The following BRWD1 variants were observed in gnomAD, a reference collection of about 807,000 sequenced individuals.
BRWD1 encodes bromodomain and WD repeat-containing protein 1.
A neutral mutation model predicts 251.2 loss-of-function variants in BRWD1; 82 were observed. The observed-to-expected ratio is 0.33, with a 90% CI of 0.27 to 0.39. BRWD1 has a LOEUF of 0.39. BRWD1 is among the 10% of genes least tolerant of loss of function. The pLI, the probability that BRWD1 is intolerant of heterozygous loss-of-function variation, is 1.00. For missense variants in BRWD1, 2,233 were observed against 2,711.6 expected (o/e 0.82, Z 3.92); for synonymous variants, 918 against 902.8 (o/e 1.02, Z -0.30).
intron 21 of BRWD1, among the ~76,000 whole-genome samples, chr21:39,241,112 C>G (rs1374444623): frequency 6.6e-6 from 1 of 151,238 alleles, no homozygotes; most frequent in Non-Finnish European, 1.5e-5. Context: ...CCTTCAGCCA[C>G]CCAGCCTAGT....
In BRWD1 at chr21:39,199,197, G is replaced by C. The variant is rs2031981193; in HGVS notation, c.5219C>G (p.Ser1740Cys). 1.2e-6 allele frequency: 2 copies of C among 1,613,992 alleles called. No homozygotes were observed. The highest frequency in any genetic ancestry group is 2.7e-5 in the African/African-American group (2 of 74,914). ...TGTCTTTGAAGGTGCTGGAGTATGG[G>C]ACTTGTAACCATTAGCATGCCAATT... is the stretch of plus-strand genomic sequence containing the variant. ...RKNWHANGYK[S>C]HTPAPSKTKF... The change falls in exon 40 of 41, where the codon TCC becomes TGC. Residue 1740 changes from serine (S) to cysteine (C), a missense_variant. Physicochemically the swap from Ser to Cys is moderately radical, Grantham distance 112. This residue lies in a region of BRWD1 where 928 missense variants were observed against 970.0 expected (regional missense o/e 0.96). Coordinates refer to ENST00000342449, the MANE Select transcript of BRWD1 (RefSeq NM_033656.4).
chr21:39,248,793 A>T (rs1156442044), intron 20 of BRWD1, among the ~76,000 whole-genome samples: 2 of 152,172 alleles, frequency 1.3e-5, no homozygotes, highest in Non-Finnish European at 1.5e-5. Flanking sequence ...CACTGTGGAA[A>T]GCAGTTTGAT....
chr21:39,264,449 A>G lies in BRWD1; in HGVS notation c.1885+11T>C. ...ACTTTAAAAAAAAAAAAAAAAAAAG[A>G]CTGCACTTACTTGTTGCCACATAGC... On this transcript the variant is annotated intron_variant, in intron 17 of 40. Transcript: ENST00000342449. 1 of 1,409,110 alleles carries G rather than the reference A, an allele frequency of 7.1e-7. No homozygotes were observed. Among genetic ancestry groups the G allele is most frequent in the Non-Finnish European group, 9.5e-7 (1 of 1,050,046 alleles). 87.3% of individuals were successfully genotyped at this position (1,409,110 alleles called of 1,614,324 possible).
intron 17 of BRWD1, among the ~76,000 whole-genome samples, chr21:39,262,396 C>CT (rs1477504038): frequency 6.6e-6 from 1 of 152,196 alleles, no homozygotes; most frequent in Non-Finnish European, 1.5e-5. Context: ...AAGCACCACA[C>CT]TAAGTCAAAG....
At chr21:39,217,770 GAAAAAC>G (rs1568879019) in intron 31 of BRWD1, among the ~76,000 whole-genome samples, 12 of 152,100 alleles carry the variant, frequency 7.9e-5, no homozygotes, top group Non-Finnish European at 1.3e-4. Context: ...TACCTGATTA[GAAAAAC>G]AAACAACTGT....
In BRWD1 at chr21:39,185,829, C is replaced by T. The variant is rs1031297702; in HGVS notation, c.*10430G>A. The T allele has an allele frequency of 2.0e-5, 3 of 152,162 alleles. No homozygotes were observed. The highest frequency in any genetic ancestry group is 7.2e-5 in the African/African-American group (3 of 41,452). The allele number at this position is 152,162 out of a possible 1,614,324, so 9.4% of individuals were successfully genotyped here. A position where few individuals can be genotyped will look rare whatever the true frequency, so the allele number is the denominator to read the frequency against. On this transcript the variant is annotated 3_prime_UTR_variant, in exon 41 of 41. Coordinates refer to ENST00000342449, the MANE Select transcript of BRWD1 (RefSeq NM_033656.4). ...CAGATATTTTTAAATGGGAAAACAACTTACTTTCAACAACTTAATTTTTCC... is the reference window on the plus strand; with the variant it reads ...CAGATATTTTTAAATGGGAAAACAATTTACTTTCAACAACTTAATTTTTCC...
At chr21:39,298,943 G>A (rs947609721) in intron 4 of BRWD1, among the ~76,000 whole-genome samples, 4 of 152,144 alleles carry the variant, frequency 2.6e-5, no homozygotes, top group African/African-American at 7.2e-5. Context: ...CACTAACTGG[G>A]CCAGGGATGG....
At chr21:39,226,194 A>G (rs2033376087) in intron 27 of BRWD1, among the ~76,000 whole-genome samples, 1 of 152,178 alleles carries the variant, frequency 6.6e-6, no homozygotes. Context: ...TTCTCATAAT[A>G]AAAGTGTCTT....
upstream of BRWD1, chr21:39,314,394 G>A (rs1050832272): frequency 8.8e-6 from 4 of 452,844 alleles, no homozygotes; most frequent in Non-Finnish European, 1.8e-5. Context: ...GCGGCTGACG[G>A]CTCGGCTGGA....
chr21:39,299,535 G>A (rs759777390), intron 4 of BRWD1, among the ~76,000 whole-genome samples: 112 of 152,046 alleles, frequency 7.4e-4, no homozygotes, highest in Non-Finnish European at 1.5e-3. Context: ...TTACTCCAAC[G>A]TAAGAGATAA....
chr21:39,210,050 T>A lies in BRWD1; in HGVS notation c.4142A>T (p.Asp1381Val). 3 of 1,613,728 alleles carry A rather than the reference T, an allele frequency of 1.9e-6. No individual in the cohort carries two copies. Among genetic ancestry groups the A allele is most frequent in the Non-Finnish European group, 2.5e-6 (3 of 1,179,798 alleles). ...TGCATTGCTAAATATCAGCCGGATG[T>A]CTTTGCAAAACTCCAAAGGGCTGTC... ...NYDSPLEFCK[D>V]IRLIFSNAKA... The change falls in exon 36 of 41, where the codon GAC (aspartate) becomes GTC (valine). Residue 1381 changes from aspartate (D) to valine (V), a missense_variant. Physicochemically the swap from Asp to Val is radical, Grantham distance 152. This residue lies in a region of BRWD1 where 69 missense variants were observed against 101.6 expected (regional missense o/e 0.68). Transcript: ENST00000342449.
At position 39,228,480 on chromosome 21, in the gene BRWD1, C is replaced by T. The variant is rs2146542228; in HGVS notation, c.3208+20G>A. On this transcript the variant is annotated intron_variant, in intron 27 of 40. Coordinates refer to ENST00000342449, the MANE Select transcript of BRWD1 (RefSeq NM_033656.4). ...GATTAATTTTTAAGGGTATATAAAACTTAGTAAGGATAGACTTACAAGACT... is the reference window on the plus strand; with the variant it reads ...GATTAATTTTTAAGGGTATATAAAATTTAGTAAGGATAGACTTACAAGACT... The T allele has an allele frequency of 6.4e-7, 1 of 1,570,572 alleles. No individual in the cohort carries two copies.
Position 39,195,564 on chromosome 21 carries a change from C to A in BRWD1, c.*695G>T. The A allele has an allele frequency of 1.0e-6, 1 of 984,672 alleles. No individual in the cohort carries two copies. The highest frequency in any genetic ancestry group is 1.2e-6 in the Non-Finnish European group (1 of 828,946). 61.0% of individuals were successfully genotyped at this position (984,672 alleles called of 1,614,324 possible). The stretch of plus-strand genomic sequence containing the variant: ...TGGTCCTAGAGGTTTAAAACATGCA[C>A]TCAAATCATTAAAAATAATTTACCA... On this transcript the variant is annotated 3_prime_UTR_variant, in exon 41 of 41. Transcript: ENST00000342449.
chr21:39,311,527 A>C (rs2036483602), intron 4 of BRWD1, among the ~76,000 whole-genome samples: 1 of 152,224 alleles, frequency 6.6e-6, no homozygotes, highest in South Asian at 2.1e-4. Context: ...ATTTTCTCTC[A>C]GGTAGCACGA....
intron 20 of BRWD1, 34 bp from the exon 21 acceptor site, chr21:39,247,866 A>G: frequency 6.4e-7 from 1 of 1,564,530 alleles, no homozygotes; most frequent in African/African-American, 1.4e-5. Flanking sequence ...ATGAAAATCA[A>G]CACCTAAATA....
At chr21:39,276,115 T>C (rs1326074062) in intron 12 of BRWD1, 58 bp downstream of exon 12, 4 of 1,475,898 alleles carry the variant, frequency 2.7e-6, no homozygotes, top group Non-Finnish European at 3.7e-6. Flanking sequence ...TATACTAACA[T>C]GTAGCACATT....
intron 15 of BRWD1, among the ~76,000 whole-genome samples, chr21:39,268,535 A>G (rs575215538): frequency 5.9e-5 from 9 of 152,118 alleles, no homozygotes; most frequent in African/African-American, 2.2e-4. Flanking sequence ...AATATCACTT[A>G]TGTTTTATTT....
chr21:39,224,905 G>A (rs1289706728), intron 28 of BRWD1, among the ~76,000 whole-genome samples, 181 bp downstream of exon 28: 2 of 152,174 alleles, frequency 1.3e-5, no homozygotes, highest in African/African-American at 2.4e-5. Flanking sequence ...GAACCAAGGG[G>A]AGTACTGGTG....
intron 5 of BRWD1, 166 bp downstream of exon 5, chr21:39,298,266 T>C (rs754416206): frequency 2.3e-5 from 29 of 1,284,002 alleles, no homozygotes; most frequent in East Asian, 2.9e-5. Flanking sequence ...TAAACACTTA[T>C]GTAATAAAAT....
Sources: allele counts gnomAD v4.1 joint callset (sites outside exome capture counted in the v4.1 genomes callset), GRCh38; gene constraint gnomAD v4.1.1; regional missense constraint gnomAD v4.1.1; transcripts MANE v1.5; gene names NCBI Gene and HGNC (gene_info 2026-07-23, HGNC 2026-07-21).